The following LRFN5 variants were observed in gnomAD, a reference collection of about 807,000 sequenced individuals.
LRFN5 encodes the protein leucine rich repeat and fibronectin type III domain containing 5, also known as leucine-rich repeat and fibronectin type-III domain-containing protein 5.
Under a neutral mutation model 45.6 loss-of-function variants are expected in LRFN5, and 24 were observed. The ratio of observed to expected loss-of-function variants is 0.53; its 90% CI spans 0.38 to 0.74. The LOEUF is 0.74. Ranked by LOEUF, LRFN5 falls within the 30% of genes least tolerant of loss-of-function variation. The pLI is 0.00. For synonymous variants in LRFN5, 340 were observed against 313.8 expected, an observed-to-expected ratio of 1.08 and a Z score of -0.88; for missense variants, 776 against 861.5, an observed-to-expected ratio of 0.90 and a Z score of 1.24.
chr14:41,781,558 GAGAA>G (rs55859357), intron 2 of LRFN5, among the ~76,000 whole-genome samples: 15,016 of 106,618 alleles, frequency 0.14, 1,276 homozygotes, highest in Non-Finnish European at 0.17. Context: ...AGAAAAGAAA[GAGAA>G]AGAAAGAAAG....
intron 2 of LRFN5, among the ~76,000 whole-genome samples, chr14:41,868,527 C>T (rs1171754974): frequency 6.6e-6 from 1 of 152,072 alleles, no homozygotes; most frequent in Non-Finnish European, 1.5e-5. Context: ...TTGGCCTCTC[C>T]AGAGGGCACA....
intron 2 of LRFN5, among the ~76,000 whole-genome samples, chr14:41,819,959 G>GTTT (rs71105404): frequency 0.025 from 3,740 of 147,808 alleles, 56 homozygotes; most frequent in Middle Eastern, 0.039. Context: ...AGGGTTATTT[G>GTTT]TTTTTTTTTT....
At chr14:41,888,361 G>A (rs1028548856) in intron 3 of LRFN5, among the ~76,000 whole-genome samples, 1 of 152,118 alleles carries the variant, frequency 6.6e-6, no homozygotes, top group Non-Finnish European at 1.5e-5. Flanking sequence ...CACGTTGGGA[G>A]GCTATACCAT....
intron 1 of LRFN5, among the ~76,000 whole-genome samples, chr14:41,675,079 T>C (rs1443619640): frequency 2.0e-5 from 3 of 147,154 alleles, no homozygotes; most frequent in African/African-American, 5.1e-5. Context: ...ACTTCCTAGA[T>C]GGGATGGCGG....
chr14:41,631,569 A>G (rs1485900240), intron 1 of LRFN5, among the ~76,000 whole-genome samples: 1 of 152,176 alleles, frequency 6.6e-6, no homozygotes, highest in East Asian at 1.9e-4. Flanking sequence ...AGTTATAAGA[A>G]TTATGAAGGA....
chr14:41,848,821 C>T (rs1420446972), intron 2 of LRFN5, among the ~76,000 whole-genome samples: 1 of 152,032 alleles, frequency 6.6e-6, no homozygotes, highest in Non-Finnish European at 1.5e-5. Context: ...CAACAGGCTT[C>T]TTGTGCCTGT....
intron 1 of LRFN5, chr14:41,731,293 G>T (rs1310052444): frequency 6.7e-6 from 1 of 150,222 alleles, no homozygotes; most frequent in African/African-American, 2.4e-5. Flanking sequence ...TATCTGAAAT[G>T]CTCTCTCTCT....
intron 2 of LRFN5, among the ~76,000 whole-genome samples, chr14:41,860,864 C>G (rs760064567): frequency 1.3e-5 from 2 of 152,132 alleles, no homozygotes; most frequent in Non-Finnish European, 2.9e-5. Context: ...TACAGACATC[C>G]ACTACAAAAT....
rs1566615299 is a variant in LRFN5, at chr14:41,674,494, CGGGCGGG to C, written c.-197+65937_-197+65943del. The stretch of plus-strand genomic sequence containing the variant: ...TCACCTCCCGGACGGGGTGGCTGGC[CGGGCGGG>C]GGGCTGACCCCTCCACCTCTCTCCA... On this transcript the variant is annotated intron_variant, in intron 1 of 5. Coordinates refer to ENST00000298119, the MANE Select transcript of LRFN5 (RefSeq NM_152447.5). 1.8e-4 allele frequency among the ~76,000 whole-genome samples: 24 copies of C among 136,214 alleles called. 1 individual carries two copies. Among genetic ancestry groups the C allele is most frequent in the African/African-American group, 5.5e-4 (20 of 36,106 alleles). The allele number at this position is 136,214 out of a possible 152,430, so 89.4% of individuals were successfully genotyped here.
chr14:41,826,929 GTAAT>G (rs1303957790), intron 2 of LRFN5, among the ~76,000 whole-genome samples: 1 of 151,998 alleles, frequency 6.6e-6, no homozygotes, highest in African/African-American at 2.4e-5. Flanking sequence ...CACAAAATAA[GTAAT>G]TATTTTGATT....
chr14:41,650,236 T>TACACACAC (rs1555351105), intron 1 of LRFN5, among the ~76,000 whole-genome samples: 66 of 128,184 alleles, frequency 5.1e-4, no homozygotes, highest in Middle Eastern at 4.0e-3. Flanking sequence ...TCTACAAAAA[T>TACACACAC]ACACACACAC....
intron 2 of LRFN5, among the ~76,000 whole-genome samples, chr14:41,858,867 T>TC (rs1377954005): frequency 6.6e-6 from 1 of 152,170 alleles, no homozygotes; most frequent in Non-Finnish European, 1.5e-5. Context: ...ACTCTAGAAC[T>TC]CCCCACTATC....
chr14:41,693,278 C>A (rs1441848379), intron 1 of LRFN5, among the ~76,000 whole-genome samples: 1 of 151,986 alleles, frequency 6.6e-6, no homozygotes, highest in Non-Finnish European at 1.5e-5. Flanking sequence ...CTATAATAAA[C>A]CCTGCCTGAA....
At chr14:41,673,975 G>T (rs1313963070) in intron 1 of LRFN5, among the ~76,000 whole-genome samples, 4 of 148,142 alleles carry the variant, frequency 2.7e-5, no homozygotes, top group African/African-American at 5.0e-5. Flanking sequence ...CCCGGACGGG[G>T]TGGCTGCCGG....
At chr14:41,894,442 A>G (rs1890875011) in intron 4 of LRFN5, 1 of 938,118 alleles carries the variant, frequency 1.1e-6, no homozygotes, top group Non-Finnish European at 1.3e-6. Context: ...CATTTTTACA[A>G]TATTTAAACC....
chr14:41,715,949 A>G (rs1377348388), intron 1 of LRFN5, among the ~76,000 whole-genome samples: 3 of 151,202 alleles, frequency 2.0e-5, no homozygotes, highest in African/African-American at 7.4e-5. Context: ...AGGCGTTTCC[A>G]TACATCTTCT....
chr14:41,636,798 G>A (rs1180848325), intron 1 of LRFN5, among the ~76,000 whole-genome samples: 1 of 152,016 alleles, frequency 6.6e-6, no homozygotes, highest in Non-Finnish European at 1.5e-5. Context: ...AAGAAGCATA[G>A]CATCCTATGT....
At chr14:41,725,423 T>G (rs1308810701) in intron 1 of LRFN5, among the ~76,000 whole-genome samples, 14 of 152,204 alleles carry the variant, frequency 9.2e-5, no homozygotes, top group Non-Finnish European at 1.8e-4. Context: ...CATGTGGTAG[T>G]TAGGTCAGGA....
chr14:41,699,910 C>T (rs923832720), intron 1 of LRFN5: 2 of 151,866 alleles, frequency 1.3e-5, no homozygotes, highest in Non-Finnish European at 2.9e-5. Flanking sequence ...TAAAACTGGT[C>T]GAGGAAAGTG....
Sources: allele counts gnomAD v4.1 joint callset (sites outside exome capture counted in the v4.1 genomes callset), GRCh38; gene constraint gnomAD v4.1.1; transcripts MANE v1.5; gene names NCBI Gene and HGNC (gene_info 2026-07-23, HGNC 2026-07-21).